Variants in TXNRD1 observed in about 807,000 individuals in gnomAD.
TXNRD1 encodes the protein thioredoxin reductase 1, cytoplasmic.
Under a neutral mutation model 80.3 loss-of-function variants are expected in TXNRD1, and 57 were observed. The ratio of observed to expected loss-of-function variants is 0.71; its 90% CI spans 0.57 to 0.89. The LOEUF (loss-of-function observed/expected upper bound fraction) is 0.89, where lower values mean the gene tolerates loss of function less well. TXNRD1 is among the 40% of genes least tolerant of loss of function. The pLI, the probability that TXNRD1 is intolerant of heterozygous loss-of-function variation, is 0.00. For synonymous variants in TXNRD1, 291 were observed against 285.2 expected (o/e 1.02, Z -0.20); for missense variants, 730 against 803.0 (o/e 0.91, Z 1.10).
intron 13 of TXNRD1, 113 bp from the exon 14 acceptor site, chr12:104,331,421 T>A: frequency 3.4e-6 from 2 of 583,822 alleles, no homozygotes; most frequent in Non-Finnish European, 6.1e-6. Flanking sequence ...TTCACATACT[T>A]TGGTAGAAAT....
chr12:104,311,216 G>C, intron 4 of TXNRD1, 74 bp from the exon 5 acceptor site: 1 of 1,450,036 alleles, frequency 6.9e-7, no homozygotes, highest in South Asian at 1.4e-5. Flanking sequence ...TTTAAGAAAA[G>C]ATTTTCTTAC....
At chr12:104,300,352 T>C (rs1249853547) in intron 4 of TXNRD1, among the ~76,000 whole-genome samples, 1 of 152,174 alleles carries the variant, frequency 6.6e-6, no homozygotes, top group Non-Finnish European at 1.5e-5. Flanking sequence ...CTAAATTATC[T>C]CTGAGGCAAC....
intron 1 of TXNRD1, among the ~76,000 whole-genome samples, chr12:104,228,233 C>T (rs922489998): frequency 3.5e-5 from 5 of 143,218 alleles, no homozygotes; most frequent in African/African-American, 5.2e-5. Flanking sequence ...ACCCAGAAGG[C>T]GGAGGTTGCA....
At chr12:104,268,152 G>A (rs1240089292) in intron 3 of TXNRD1, among the ~76,000 whole-genome samples, 11 of 149,398 alleles carry the variant, frequency 7.4e-5, no homozygotes, top group African/African-American at 2.7e-4. Flanking sequence ...ACTTGGACCC[G>A]GCCCCTTCCT....
rs559517270 is a variant in TXNRD1, at chr12:104,218,260, G to A, written c.91+2367G>A. ...AGGCTGGTCTTGAACTCTTGACCTC[G>A]TGATCTTCCCGCCTCAGCCTCCCAA... On this transcript the variant is annotated intron_variant, in intron 1 of 16. Transcript: ENST00000525566. Among the ~76,000 whole-genome samples the A allele has an allele frequency of 4.2e-4, 64 of 152,004 alleles. No individual in the cohort carries two copies. In the East Asian group the frequency reaches 0.01, roughly 24 times the overall value.
chr12:104,306,517 A>G (rs1015698637), intron 4 of TXNRD1, among the ~76,000 whole-genome samples: 8 of 152,142 alleles, frequency 5.3e-5, no homozygotes, highest in African/African-American at 1.9e-4. Context: ...AGCAGTGGCA[A>G]ACTTTCCTAG....
chr12:104,265,520 C>A (rs544973918), intron 3 of TXNRD1: 39 of 1,610,276 alleles, frequency 2.4e-5, no homozygotes, highest in African/African-American at 1.6e-4. Context: ...TTTGAGAAGT[C>A]CCCCCTGCGG....
chr12:104,318,177 C>A (rs954200384), intron 7 of TXNRD1, among the ~76,000 whole-genome samples: 5 of 152,116 alleles, frequency 3.3e-5, no homozygotes, highest in African/African-American at 1.2e-4. Flanking sequence ...TTTAATATTA[C>A]TTTAGTGTCC....
chr12:104,286,743 T>TA (rs2033979749), intron 3 of TXNRD1: 1 of 1,021,130 alleles, frequency 9.8e-7, no homozygotes, highest in Non-Finnish European at 1.2e-6. Flanking sequence ...GGGCATAGTC[T>TA]AATTTCTTCA....
intron 4 of TXNRD1, among the ~76,000 whole-genome samples, chr12:104,306,150 C>T (rs575456791): frequency 7.2e-5 from 11 of 152,094 alleles, no homozygotes; most frequent in East Asian, 1.9e-4. Context: ...GTGATCCACC[C>T]GCCTCGGCCT....
intron 4 of TXNRD1, among the ~76,000 whole-genome samples, chr12:104,292,230 T>G (rs554546317): frequency 6.6e-6 from 1 of 152,302 alleles, no homozygotes; most frequent in Non-Finnish European, 1.5e-5. Flanking sequence ...ACTCCCTTGA[T>G]AAAGGATGAA....
Position 104,326,398 on chromosome 12 carries a change from A to G in TXNRD1, c.1360A>G (p.Thr454Ala). 2 of 1,592,288 alleles carry G rather than the reference A, an allele frequency of 1.3e-6. No individual in the cohort carries two copies. The highest frequency in any genetic ancestry group is 1.7e-6 in the Non-Finnish European group (2 of 1,171,002). Residue 454 changes from threonine to alanine, a missense_variant, in exon 12 of 17, where the codon ACC (threonine) becomes GCC (alanine). Physicochemically the swap from Thr to Ala is moderately conservative, Grantham distance 58 (BLOSUM62 0). Transcript: ENST00000525566. ...TTGCACAAGAAAAATTGGCTTAGAA[A>G]CCGTAGGGGTGAAGATAAATGAAAA... ...DACTRKIGLETVGVKINEKTG... is the reference protein window; with the variant it reads ...DACTRKIGLEAVGVKINEKTG...
chr12:104,340,738 T>C (rs1260364915), intron 16 of TXNRD1, among the ~76,000 whole-genome samples: 1 of 152,164 alleles, frequency 6.6e-6, no homozygotes, highest in Non-Finnish European at 1.5e-5. Flanking sequence ...ATGATCTCAT[T>C]TTCACTTGAT....
intron 4 of TXNRD1, among the ~76,000 whole-genome samples, chr12:104,292,726 C>G (rs1167521401): frequency 2.0e-5 from 3 of 152,050 alleles, no homozygotes; most frequent in Non-Finnish European, 4.4e-5. Context: ...TTTAAATAAG[C>G]TCCCTCCAAT....
At chr12:104,286,898 G>A (rs1160373791) in intron 3 of TXNRD1, 2 of 1,137,986 alleles carry the variant, frequency 1.8e-6, no homozygotes, top group African/African-American at 3.2e-5. Context: ...AATTAGCATA[G>A]GTTGCCAGGG....
chr12:104,264,779 T>C (rs1456581006), intron 3 of TXNRD1, among the ~76,000 whole-genome samples: 1 of 152,222 alleles, frequency 6.6e-6, no homozygotes, highest in Non-Finnish European at 1.5e-5. Flanking sequence ...GTTAGAAATG[T>C]TTTTCTTTGT....
chr12:104,239,023 C>T (rs571242485), intron 1 of TXNRD1, among the ~76,000 whole-genome samples: 32 of 151,116 alleles, frequency 2.1e-4, no homozygotes, highest in African/African-American at 7.8e-4. Flanking sequence ...ATGTGATGCC[C>T]TTGTCTGGTT....
chr12:104,215,941 G>C, intron 1 of TXNRD1, 48 bp downstream of exon 1: 1 of 1,491,294 alleles, frequency 6.7e-7, no homozygotes, highest in Non-Finnish European at 9.1e-7. Flanking sequence ...GGGCCGAAGC[G>C]GGCCTTCCGG....
intron 1 of TXNRD1, among the ~76,000 whole-genome samples, chr12:104,227,881 G>A (rs560505926): frequency 5.0e-4 from 76 of 152,292 alleles, no homozygotes; most frequent in Non-Finnish European, 8.4e-4. Context: ...TTATTACTGA[G>A]TGGTATTACA....
Sources: allele counts gnomAD v4.1 joint callset (sites outside exome capture counted in the v4.1 genomes callset), GRCh38; gene constraint gnomAD v4.1.1; transcripts MANE v1.5; gene names NCBI Gene and HGNC (gene_info 2026-07-23, HGNC 2026-07-21).